MAPK10: variants seen among roughly 807,000 people sequenced by gnomAD.
The protein encoded by MAPK10 is mitogen-activated protein kinase 10.
In MAPK10, 25 loss-of-function variants were observed where a neutral mutation model predicts 59.3. The observed-to-expected ratio is 0.42, with a 90% CI of 0.31 to 0.59. The LOEUF is 0.59. Among genes scored for constraint, MAPK10 ranks in the 20% least tolerant of loss-of-function variants. The pLI is 0.15. For missense variants in MAPK10, 351 were observed against 568.9 expected, an observed-to-expected ratio of 0.62 and a Z score of 3.90; for synonymous variants, 190 against 200.5, an observed-to-expected ratio of 0.95 and a Z score of 0.44.
chr4:86,215,955 C>CT (rs752328974), intron 2 of MAPK10, among the ~76,000 whole-genome samples: 1 of 152,028 alleles, frequency 6.6e-6, no homozygotes, highest in Non-Finnish European at 1.5e-5. Flanking sequence ...ACAATCAAAA[C>CT]TACAGAAAAT....
At chr4:86,430,918 A>G (rs1440815874) in intron 1 of MAPK10, among the ~76,000 whole-genome samples, 1 of 152,234 alleles carries the variant, frequency 6.6e-6, no homozygotes, top group Admixed American at 6.5e-5. Context: ...TGTGTGAAAT[A>G]TTCGTATGCT....
At chr4:86,073,947 CTTG>C (rs2048619756) in intron 9 of MAPK10, among the ~76,000 whole-genome samples, 2 of 104,652 alleles carry the variant, frequency 1.9e-5, no homozygotes, top group Admixed American at 9.1e-5. Flanking sequence ...CCTGGGTATC[CTTG>C]TTGACTTTCT....
At chr4:86,227,586 G>A (rs2090878477) in intron 2 of MAPK10, among the ~76,000 whole-genome samples, 1 of 151,908 alleles carries the variant, frequency 6.6e-6, no homozygotes, top group South Asian at 2.1e-4. Context: ...TGTCAGCAAC[G>A]TCAATTACAA....
intron 4 of MAPK10, among the ~76,000 whole-genome samples, chr4:86,151,136 G>A (rs747583348): frequency 6.6e-6 from 1 of 152,198 alleles, no homozygotes; most frequent in African/African-American, 2.4e-5. Flanking sequence ...TGGGTGGCCA[G>A]CCTGACGGTG....
chr4:86,238,437 C>T (rs974776063), intron 2 of MAPK10, among the ~76,000 whole-genome samples: 4 of 151,992 alleles, frequency 2.6e-5, no homozygotes, highest in East Asian at 1.9e-4. Context: ...TTACTTTGGG[C>T]AGTATGGCCA....
chr4:86,020,253 C>T (rs1390039543), intron 13 of MAPK10: 1 of 152,216 alleles, frequency 6.6e-6, no homozygotes, highest in East Asian at 1.9e-4. Context: ...TGGCATGTAT[C>T]TGTATTTCAT....
chr4:86,357,062 G>A (rs1217641422), intron 1 of MAPK10: 2 of 152,222 alleles, frequency 1.3e-5, no homozygotes, highest in Non-Finnish European at 2.9e-5. Flanking sequence ...ACTGTAAGAG[G>A]AAATAGAAAG....
At chr4:86,030,788 C>A (rs2038857699) in intron 12 of MAPK10, among the ~76,000 whole-genome samples, 1 of 152,110 alleles carries the variant, frequency 6.6e-6, no homozygotes, top group African/African-American at 2.4e-5. Context: ...CAGCTCTTCC[C>A]ATTTTGATCT....
At chr4:86,159,599 AG>A in intron 3 of MAPK10, 132 bp from the exon 4 acceptor site, 1 of 685,712 alleles carries the variant, frequency 1.5e-6, no homozygotes, top group Non-Finnish European at 2.3e-6. Flanking sequence ...AAGTTCACAT[AG>A]AAAAAAAATA....
At chr4:86,511,650 AAGG>A (rs939572344) in intron 1 of MAPK10, among the ~76,000 whole-genome samples, 17 of 150,038 alleles carry the variant, frequency 1.1e-4, no homozygotes, top group South Asian at 2.2e-4. Flanking sequence ...AAGAATACAG[AAGG>A]AGGAGGAGGA....
At chr4:86,413,391 C>T (rs573143305) in intron 1 of MAPK10, among the ~76,000 whole-genome samples, 3 of 152,300 alleles carry the variant, frequency 2.0e-5, no homozygotes, top group Non-Finnish European at 2.9e-5. Context: ...GGCAGTCTGT[C>T]CAATCTTGGT....
chr4:86,160,185 T>C (rs922052246), intron 3 of MAPK10: 2 of 151,854 alleles, frequency 1.3e-5, no homozygotes, highest in Non-Finnish European at 2.9e-5. Context: ...TATTTAGTAA[T>C]TGATGAGTCT....
rs141033243 is a variant in MAPK10 at position 86,326,070 on chromosome 4, T to C, written c.-7+28460A>G. ...CCAAGAAAATACAGCAATATTTTTG[T>C]TGGGTGTGGGAAACTCCAGGAAGAC... is the stretch of plus-strand genomic sequence containing the variant. On this transcript the variant is annotated intron_variant, in intron 2 of 13. Transcript: ENST00000641462. 25 of 152,320 alleles carry C rather than the reference T, an allele frequency of 1.6e-4. No individual in the cohort carries two copies. In the East Asian group the frequency reaches 1.7e-3, roughly 11 times the overall value. 9.4% of individuals were successfully genotyped at this position (152,320 alleles called of 1,614,324 possible).
chr4:86,161,332 G>C (rs2069570005), intron 3 of MAPK10, among the ~76,000 whole-genome samples: 1 of 152,048 alleles, frequency 6.6e-6, no homozygotes, highest in Admixed American at 6.6e-5. Context: ...CCTATTCAAG[G>C]AGACAACAAC....
chr4:86,075,482 G>A, intron 9 of MAPK10, among the ~76,000 whole-genome samples: 1 of 152,148 alleles, frequency 6.6e-6, no homozygotes. Context: ...GCGTTTTAGA[G>A]TTTCCAGTTT....
At chr4:86,085,629 C>T (rs953797563) in intron 9 of MAPK10, among the ~76,000 whole-genome samples, 13 of 152,104 alleles carry the variant, frequency 8.5e-5, no homozygotes, top group Admixed American at 6.6e-4. Context: ...GAAAAGGGAA[C>T]ACTTGCACAT....
chr4:86,037,174 C>A (rs2040486102), intron 11 of MAPK10, among the ~76,000 whole-genome samples: 3 of 152,096 alleles, frequency 2.0e-5, no homozygotes, highest in African/African-American at 7.2e-5. Flanking sequence ...TTGCTGTTGG[C>A]CATGACTTTC....
chr4:86,569,818 G>C (rs1213893758), intron 1 of MAPK10, among the ~76,000 whole-genome samples: 1 of 152,026 alleles, frequency 6.6e-6, no homozygotes. Context: ...GGGTGAGAGA[G>C]GGGGTGAGGA....
chr4:86,463,930 G>A (rs909948283), intron 1 of MAPK10, among the ~76,000 whole-genome samples: 2 of 152,124 alleles, frequency 1.3e-5, no homozygotes, highest in Non-Finnish European at 2.9e-5. Context: ...TCACCTACTA[G>A]TATTATTGTT....
Sources: gnomAD v4.1 joint callset for allele counts (sites outside exome capture counted in the v4.1 genomes callset) on GRCh38, gnomAD v4.1.1 for gene constraint, MANE v1.5 for transcripts, NCBI Gene and HGNC (gene_info 2026-07-23, HGNC 2026-07-21) for gene names.